The following EIPR1 variants were observed in gnomAD, a reference collection of about 807,000 sequenced individuals.
EIPR1 encodes the protein EARP complex and GARP complex interacting protein 1.
Under a neutral mutation model 48.1 loss-of-function variants are expected in EIPR1, and 25 were observed. The observed-to-expected ratio is 0.52, with a 90% CI of 0.38 to 0.73. The LOEUF (loss-of-function observed/expected upper bound fraction) is 0.73. Ranked by LOEUF, EIPR1 falls within the 30% of genes least tolerant of loss-of-function variation. The pLI, the probability that EIPR1 is intolerant of heterozygous loss-of-function variation, is 0.00. For synonymous variants in EIPR1, 204 were observed against 201.9 expected (o/e 1.01, Z -0.09); for missense variants, 415 against 506.2 (o/e 0.82, Z 1.73).
At chr2:3,256,844 C>T (rs991034272) in intron 4 of EIPR1, among the ~76,000 whole-genome samples, 2 of 152,228 alleles carry the variant, frequency 1.3e-5, no homozygotes, top group South Asian at 2.1e-4. Flanking sequence ...CACCACATGC[C>T]GGACACGGGC....
intron 2 of EIPR1, among the ~76,000 whole-genome samples, chr2:3,351,227 T>C (rs1320816656): frequency 1.3e-5 from 2 of 152,108 alleles, no homozygotes; most frequent in African/African-American, 2.4e-5. Flanking sequence ...TCTTGAACTC[T>C]TCATCTCAAG....
chr2:3,221,058 GAACACACGCACACAA>G, intron 4 of EIPR1, among the ~76,000 whole-genome samples: 1 of 17,478 alleles, frequency 5.7e-5, no homozygotes, highest in Non-Finnish European at 1.6e-4. Flanking sequence ...AGTGAGTCGG[GAACACACGCACACAA>G]TGGCCGAGGT....
intron 3 of EIPR1, among the ~76,000 whole-genome samples, chr2:3,313,106 G>A (rs1669177582): frequency 6.6e-6 from 1 of 152,182 alleles, no homozygotes; most frequent in African/African-American, 2.4e-5. Flanking sequence ...GAGGCTGGGT[G>A]ACTGCCTCCA....
chr2:3,252,408 T>C (rs1300656822), intron 4 of EIPR1, among the ~76,000 whole-genome samples: 1 of 152,156 alleles, frequency 6.6e-6, no homozygotes, highest in African/African-American at 2.4e-5. Context: ...CTGGCCAATA[T>C]GGCAAAACCC....
At chr2:3,304,368 T>C (rs963171649) in intron 3 of EIPR1, among the ~76,000 whole-genome samples, 2 of 152,176 alleles carry the variant, frequency 1.3e-5, no homozygotes, top group African/African-American at 2.4e-5. Flanking sequence ...ACCAAGACTA[T>C]GTGATCCTGA....
chr2:3,315,052 C>T (rs929853653), intron 3 of EIPR1, among the ~76,000 whole-genome samples: 2 of 150,096 alleles, frequency 1.3e-5, no homozygotes, highest in Admixed American at 6.6e-5. Context: ...GCCACCCGCC[C>T]CCAACACCTG....
chr2:3,236,968 T>C (rs1272307023), intron 4 of EIPR1, among the ~76,000 whole-genome samples: 2 of 152,140 alleles, frequency 1.3e-5, no homozygotes, highest in East Asian at 3.9e-4. Context: ...CTGACTATAC[T>C]GATTTGTACC....
intron 3 of EIPR1, among the ~76,000 whole-genome samples, chr2:3,327,861 ATTT>A: frequency 6.7e-6 from 1 of 149,748 alleles, no homozygotes; most frequent in Non-Finnish European, 1.5e-5. Flanking sequence ...ACTATCCTGT[ATTT>A]TTTTTTTCTT....
At chr2:3,265,640 G>C (rs987590153) in intron 3 of EIPR1, among the ~76,000 whole-genome samples, 2 of 152,196 alleles carry the variant, frequency 1.3e-5, no homozygotes, top group African/African-American at 4.8e-5. Flanking sequence ...AGCCGGCAGA[G>C]GGCAGGGCTC....
At chr2:3,221,686 GA>G (rs1665894273) in intron 4 of EIPR1, among the ~76,000 whole-genome samples, 1 of 18,302 alleles carries the variant, frequency 5.5e-5, no homozygotes, top group African/African-American at 1.0e-4. Context: ...GTACACTCTA[GA>G]GCATTCACAG....
intron 4 of EIPR1, among the ~76,000 whole-genome samples, chr2:3,239,402 G>T (rs1249305240): frequency 6.6e-6 from 1 of 152,232 alleles, no homozygotes; most frequent in Non-Finnish European, 1.5e-5. Flanking sequence ...CACTTTCTTA[G>T]TAAAATGACC....
At position 3,189,158 on chromosome 2, in the gene EIPR1, T is replaced by C. The variant is rs1664508944; in HGVS notation, c.*176A>G. The stretch of plus-strand genomic sequence containing the variant: ...CTGGGTTCGGGCATTAGCTGTGCCG[T>C]CGACAATAGCCCCATTCACCCCATT... On this transcript the variant is annotated 3_prime_UTR_variant, in exon 9 of 9. Coordinates refer to ENST00000382125, the MANE Select transcript of EIPR1 (RefSeq NM_003310.5). The surrounding 1 kb of genome is among the most constrained non-coding windows in gnomAD (Gnocchi z 4.6). 1.7e-6 allele frequency: 1 copy of C among 576,510 alleles called. No homozygotes were observed. The highest frequency in any genetic ancestry group is 2.7e-6 in the Non-Finnish European group (1 of 364,176). 35.7% of individuals were successfully genotyped at this position (576,510 alleles called of 1,614,324 possible).
chr2:3,252,954 T>C lies in EIPR1; in HGVS notation c.416+4345A>G, dbSNP rs192585327. On this transcript the variant is annotated intron_variant, in intron 4 of 8. Transcript: ENST00000382125. Reference sequence around the variant, plus strand: ...GACTTTCTCCCTAGCCAGGGCTCTTTTAAAATTTAACCTCAAAGGCTGTTT... The same window carrying C: ...GACTTTCTCCCTAGCCAGGGCTCTTCTAAAATTTAACCTCAAAGGCTGTTT... 3.7e-4 allele frequency among the ~76,000 whole-genome samples: 56 copies of C among 152,366 alleles called. 1 individual carries two copies. Among genetic ancestry groups the C allele is most frequent in the Admixed American group, 3.2e-3 (49 of 15,312 alleles).
chr2:3,348,642 G>T (rs1160460997), intron 2 of EIPR1, among the ~76,000 whole-genome samples: 1 of 152,246 alleles, frequency 6.6e-6, no homozygotes, highest in African/African-American at 2.4e-5. Flanking sequence ...TCAGAGGAAA[G>T]TCAGCAACTG....
In EIPR1 at chr2:3,189,321, C is replaced by A; in HGVS notation, c.*13G>T. On this transcript the variant is annotated 3_prime_UTR_variant, in exon 9 of 9. Transcript: ENST00000382125. The surrounding 1 kb of genome is among the most constrained non-coding windows in gnomAD (Gnocchi z 4.6). The stretch of plus-strand genomic sequence containing the variant: ...AACCACTCAATGGGACCTGGATAAC[C>A]CAGGCCCGGGAGTCATAGCAGGATG... The A allele has an allele frequency of 6.4e-7, 1 of 1,565,010 alleles. No individual in the cohort carries two copies.
intron 4 of EIPR1, among the ~76,000 whole-genome samples, chr2:3,232,768 C>T (rs745786273): frequency 1.8e-4 from 28 of 152,168 alleles, no homozygotes; most frequent in Non-Finnish European, 3.1e-4. Context: ...TCAGCAGCCC[C>T]GTGGATGGTT....
chr2:3,229,682 A>G (rs1239213892), intron 4 of EIPR1, among the ~76,000 whole-genome samples: 2 of 152,232 alleles, frequency 1.3e-5, no homozygotes, highest in African/African-American at 4.8e-5. Context: ...GTTCACTGCA[A>G]TGCTGATGAA....
chr2:3,335,358 C>G (rs1317866373), intron 3 of EIPR1, among the ~76,000 whole-genome samples: 2 of 152,018 alleles, frequency 1.3e-5, no homozygotes, highest in Non-Finnish European at 2.9e-5. Context: ...TTTTGAGGAG[C>G]CACAGAAAAA....
At chr2:3,346,592 G>A (rs977983540) in intron 2 of EIPR1, among the ~76,000 whole-genome samples, 2 of 152,106 alleles carry the variant, frequency 1.3e-5, no homozygotes, top group Non-Finnish European at 2.9e-5. Flanking sequence ...AAGGAATTTG[G>A]AGAAAAATAA....
Sources: gnomAD v4.1 joint callset for allele counts (sites outside exome capture counted in the v4.1 genomes callset) on GRCh38, gnomAD v4.1.1 for gene constraint, Gnocchi (gnomAD v3.1) non-coding constraint, MANE v1.5 for transcripts, NCBI Gene and HGNC (gene_info 2026-07-23, HGNC 2026-07-21) for gene names.